The following COL3A1 variants were observed in gnomAD, a reference collection of about 807,000 sequenced individuals.
COL3A1 encodes the protein collagen alpha-1(III) chain.
A neutral mutation model predicts 200.9 loss-of-function variants in COL3A1; 46 were observed. That is an observed-to-expected ratio of 0.23 (90% CI 0.18 to 0.29). The LOEUF (loss-of-function observed/expected upper bound fraction) is 0.29, where lower values mean the gene tolerates loss of function less well. Ranked by LOEUF, COL3A1 falls within the 10% of genes least tolerant of loss-of-function variation. The pLI is 1.00. For missense variants in COL3A1, 1,367 were observed against 1,917.6 expected (o/e 0.71, Z 5.36); for synonymous variants, 650 against 628.0 (o/e 1.03, Z -0.52).
chr2:188,988,663 A>G lies in COL3A1; in HGVS notation c.636+20A>G. On this transcript the variant is annotated intron_variant, in intron 7 of 50. Coordinates refer to ENST00000304636, the MANE Select transcript of COL3A1 (RefSeq NM_000090.4). The stretch of plus-strand genomic sequence containing the variant: ...CCTTCAGTAAGTAACAATTAAATTT[A>G]TATTTAGTAAGTCGATAATTCCATA... The G allele has an allele frequency of 1.3e-6, 2 of 1,563,876 alleles. No individual in the cohort carries two copies. Among genetic ancestry groups the G allele is most frequent in the Non-Finnish European group, 1.8e-6 (2 of 1,136,250 alleles).
chr2:188,977,084 A>G (rs1013001503), intron 1 of COL3A1, among the ~76,000 whole-genome samples: 1 of 152,140 alleles, frequency 6.6e-6, no homozygotes, highest in Non-Finnish European at 1.5e-5. Flanking sequence ...TCTTTTTGGA[A>G]ATTAGCTTAA....
chr2:188,992,291 T>G, intron 14 of COL3A1, 63 bp downstream of exon 14: 1 of 1,427,650 alleles, frequency 7.0e-7, no homozygotes, highest in Admixed American at 1.7e-5. Context: ...TGTGGATTAT[T>G]TAATATTTTA....
In COL3A1 at chr2:188,987,390, C is replaced by A. The variant is rs190640343; in HGVS notation, c.528+251C>A. ...AACCAAAGTCAACACTTATTAACAT[C>A]TCAGAAAAGTGTTTATAAGAGAAAA... On this transcript the variant is annotated intron_variant, in intron 5 of 50. Transcript: ENST00000304636. Among the ~76,000 whole-genome samples, 8 of 151,000 alleles carry A rather than the reference C, an allele frequency of 5.3e-5. No homozygotes were observed. In the East Asian group the frequency reaches 1.6e-3, roughly 29 times the overall value.
chr2:189,003,195 G>A (rs1382200003), intron 36 of COL3A1, 133 bp downstream of exon 36: 20 of 833,482 alleles, frequency 2.4e-5, no homozygotes, highest in Non-Finnish European at 3.6e-5. Context: ...AAACATGGAG[G>A]TTTATCAGTA....
At chr2:189,001,138 A>G (rs138270175) in intron 32 of COL3A1, among the ~76,000 whole-genome samples, 29 of 152,340 alleles carry the variant, frequency 1.9e-4, no homozygotes, top group African/African-American at 6.3e-4. Flanking sequence ...ATCTTCTACA[A>G]TGGAGATAAA....
chr2:188,990,653 A>G (rs1688168932), intron 10 of COL3A1, among the ~76,000 whole-genome samples: 1 of 152,208 alleles, frequency 6.6e-6, no homozygotes, highest in African/African-American at 2.4e-5. Context: ...AATATGATTT[A>G]TAGATTGAGT....
intron 23 of COL3A1, 93 bp from the exon 24 acceptor site, chr2:188,996,305 T>TATATAC: frequency 1.6e-6 from 1 of 633,258 alleles, no homozygotes; most frequent in East Asian, 3.1e-5. Flanking sequence ...TCTATATATA[T>TATATAC]ACACACACAC....
chr2:188,994,937 G>C lies in COL3A1; in HGVS notation c.1455+106G>C. 4.5e-6 allele frequency: 7 copies of C among 1,550,604 alleles called. No homozygotes were observed. Among genetic ancestry groups the C allele is most frequent in the Non-Finnish European group, 5.3e-6 (6 of 1,122,996 alleles). ...ATTTTTCTTAAGTTGAGTGTTCAGT[G>C]AAAATATTGTTTAAAGCATTCTATG... is the stretch of plus-strand genomic sequence containing the variant. On this transcript the variant is annotated intron_variant, in intron 20 of 50. Transcript: ENST00000304636. The surrounding 1 kb of genome is among the most constrained non-coding windows in gnomAD (Gnocchi z 4.5).
chr2:188,996,542 C>A, intron 24 of COL3A1, 46 bp downstream of exon 24: 1 of 1,493,862 alleles, frequency 6.7e-7, no homozygotes, highest in Non-Finnish European at 9.3e-7. Flanking sequence ...GACTGGAAGG[C>A]TTTTATTTTC....
At chr2:188,987,985 C>T (rs2153501728) in intron 5 of COL3A1, 96 bp from the exon 6 acceptor site, 1 of 916,950 alleles carries the variant, frequency 1.1e-6, no homozygotes, top group Non-Finnish European at 1.8e-6. Flanking sequence ...TATAGTTGTT[C>T]ATAGTTTTAA....
intron 24 of COL3A1, among the ~76,000 whole-genome samples, chr2:188,996,713 G>A (rs1488418609): frequency 6.6e-6 from 1 of 152,184 alleles, no homozygotes; most frequent in African/African-American, 2.4e-5. Context: ...AACAGGCTGG[G>A]TGCGCTGGCT....
chr2:189,011,888 A>C lies in COL3A1; in HGVS notation c.*114A>C. 1 of 1,205,168 alleles carries C rather than the reference A, an allele frequency of 8.3e-7. No homozygotes were observed. Among genetic ancestry groups the C allele is most frequent in the South Asian group, 1.3e-5 (1 of 77,304 alleles). The allele number at this position is 1,205,168 out of a possible 1,614,324, so 74.7% of individuals were successfully genotyped here. A position where few individuals can be genotyped will look rare whatever the true frequency, so the allele number is the denominator to read the frequency against. ...GACAAAATTCCAGTTATTTATTTCC[A>C]AAATGTTTGGAAACAGTATAATTTG... On this transcript the variant is annotated 3_prime_UTR_variant, in exon 51 of 51. Coordinates refer to ENST00000304636, the MANE Select transcript of COL3A1 (RefSeq NM_000090.4).
chr2:188,999,042 A>G (rs928019911), intron 29 of COL3A1, among the ~76,000 whole-genome samples: 7 of 152,232 alleles, frequency 4.6e-5, no homozygotes, highest in Admixed American at 3.9e-4. Flanking sequence ...GCTCTTGTGA[A>G]TAAAATAATA....
At position 189,008,237 on chromosome 2, in the gene COL3A1, C is replaced by T. The variant is rs918118875; in HGVS notation, c.3525+95C>T. 7.0e-6 allele frequency: 7 copies of T among 1,000,462 alleles called. No individual in the cohort carries two copies. The East Asian group carries it at 1.0e-4, about 15-fold the overall frequency. The allele number at this position is 1,000,462 out of a possible 1,614,324, so 62.0% of individuals were successfully genotyped here. A position where few individuals can be genotyped will look rare whatever the true frequency, so the allele number is the denominator to read the frequency against. On this transcript the variant is annotated intron_variant, in intron 47 of 50. Coordinates refer to ENST00000304636, the MANE Select transcript of COL3A1 (RefSeq NM_000090.4). ...TTATGTTTAAATTGAAATAGAGAGA[C>T]GCAATGCATCCACTCAATTTAGAAA...
Position 188,974,388 on chromosome 2 carries a change from C to A in COL3A1, c.-102C>A. ...GAATCTCAGTGGCTGAGTTTTATGA[C>A]GGGCCCGGTGCTGAAGGGCAGGGAA... On this transcript the variant is annotated 5_prime_UTR_variant, in exon 1 of 51. Transcript: ENST00000304636. 1.2e-6 allele frequency: 1 copy of A among 830,358 alleles called. No homozygotes were observed. The highest frequency in any genetic ancestry group is 2.6e-5 in the East Asian group (1 of 38,314). 51.4% of individuals were successfully genotyped at this position (830,358 alleles called of 1,614,324 possible).
At chr2:188,986,553 GTT>G (rs1688068882) in intron 4 of COL3A1, among the ~76,000 whole-genome samples, 1 of 151,836 alleles carries the variant, frequency 6.6e-6, no homozygotes, top group South Asian at 2.1e-4. Context: ...CTATTTTTTG[GTT>G]TATTTTCTAT....
At position 189,003,787 on chromosome 2, in the gene COL3A1, T is replaced by C. The variant is rs1306865410; in HGVS notation, c.2661T>C (p.Asn887=). 1 of 1,614,104 alleles carries C rather than the reference T, an allele frequency of 6.2e-7. No individual in the cohort carries two copies. Among genetic ancestry groups the C allele is most frequent in the Non-Finnish European group, 8.5e-7 (1 of 1,179,940 alleles). Residue 887 remains asparagine, a splice_region_variant and synonymous_variant, in exon 38 of 51, where the codon AAT becomes AAC. Coordinates refer to ENST00000304636, the MANE Select transcript of COL3A1 (RefSeq NM_000090.4). The stretch of plus-strand genomic sequence containing the variant: ...GTCTTCCTGGTCCTCCTGGTAGTAA[T>C]GTAAGTAATTGTTAAAGTCTTTTCT... ...ARGLPGPPGS[N]GNPGPPGPSG...
intron 24 of COL3A1, 133 bp downstream of exon 24, chr2:188,996,629 G>C: frequency 1.4e-6 from 1 of 731,886 alleles, no homozygotes; most frequent in Non-Finnish European, 2.3e-6. Flanking sequence ...CAAATTGCAT[G>C]TAGGAAGGGA....
intron 23 of COL3A1, 75 bp downstream of exon 23, chr2:188,996,253 T>C: frequency 1.2e-6 from 1 of 850,332 alleles, no homozygotes; most frequent in South Asian, 1.7e-5. Flanking sequence ...TCCTTGAGTG[T>C]GTGTGTGTGT....
Sources: gnomAD v4.1 joint callset for allele counts (sites outside exome capture counted in the v4.1 genomes callset) on GRCh38, gnomAD v4.1.1 for gene constraint, Gnocchi (gnomAD v3.1) non-coding constraint, MANE v1.5 for transcripts, NCBI Gene and HGNC (gene_info 2026-07-23, HGNC 2026-07-21) for gene names.